UNC80: variants seen among roughly 807,000 people sequenced by gnomAD.
UNC80 encodes protein unc-80 homolog.
In UNC80, 164 loss-of-function variants were observed where a neutral mutation model predicts 384.6. That is an observed-to-expected ratio of 0.43 (90% CI 0.38 to 0.49). The LOEUF (loss-of-function observed/expected upper bound fraction) is 0.49, where lower values mean the gene tolerates loss of function less well. Ranked by LOEUF, UNC80 falls within the 20% of genes least tolerant of loss-of-function variation. The pLI, the probability that UNC80 is intolerant of heterozygous loss-of-function variation, is 0.00. For missense variants in UNC80, 3,330 were observed against 4,143.0 expected, an observed-to-expected ratio of 0.80 and a Z score of 5.39; for synonymous variants, 1,486 against 1,527.8, an observed-to-expected ratio of 0.97 and a Z score of 0.64.
chr2:209,818,542 T>C (rs1418326733), intron 11 of UNC80, among the ~76,000 whole-genome samples: 2 of 152,228 alleles, frequency 1.3e-5, no homozygotes, highest in Non-Finnish European at 2.9e-5. Flanking sequence ...CAATGATATC[T>C]GTTAGTTACC....
intron 7 of UNC80, among the ~76,000 whole-genome samples, chr2:209,803,895 C>T (rs1364179896): frequency 6.6e-6 from 1 of 152,060 alleles, no homozygotes; most frequent in African/African-American, 2.4e-5. Flanking sequence ...TCAAGTCCCA[C>T]TATTTTTAAA....
At chr2:209,990,722 G>A (rs2093376210) in intron 61 of UNC80, among the ~76,000 whole-genome samples, 1 of 152,134 alleles carries the variant, frequency 6.6e-6, no homozygotes, top group African/African-American at 2.4e-5. Context: ...GTAATTTTCT[G>A]TCTTCATGGA....
intron 47 of UNC80, among the ~76,000 whole-genome samples, chr2:209,952,429 GC>G (rs1156617198): frequency 6.6e-6 from 1 of 152,144 alleles, no homozygotes; most frequent in African/African-American, 2.4e-5. Context: ...ATTTCACACT[GC>G]TAGGATCAGC....
chr2:209,937,657 A>G (rs1198503163), intron 42 of UNC80, 27 bp downstream of exon 42: 3 of 1,495,720 alleles, frequency 2.0e-6, no homozygotes, highest in Admixed American at 2.0e-5. Flanking sequence ...GTTTTATTCC[A>G]TGGTTTTGTC....
At position 209,819,209 on chromosome 2, in the gene UNC80, A is replaced by T. The variant is rs188667729; in HGVS notation, c.1910A>T (p.His637Leu). 1.9e-6 allele frequency: 3 copies of T among 1,551,794 alleles called. No individual in the cohort carries two copies. Among genetic ancestry groups the T allele is most frequent in the Middle Eastern group, 1.7e-4 (1 of 6,018 alleles). ...TACAGCTACCTAGAGGACACAGAAC[A>T]TATTGACGGGACCAATAACTTTGTC... Reference protein sequence around the residue: ...INYSYLEDTEHIDGTNNFVHK... With the variant: ...INYSYLEDTELIDGTNNFVHK... Residue 637 changes from histidine (H) to leucine (L), a missense_variant, in exon 12 of 65, where the codon CAT (histidine) becomes CTT (leucine). Physicochemically the swap from His to Leu is moderately conservative, Grantham distance 99. This residue lies in a region of UNC80 where 937 missense variants were observed against 1,026.8 expected (regional missense o/e 0.91). Transcript: ENST00000673920.
intron 21 of UNC80, among the ~76,000 whole-genome samples, 187 bp from the exon 22 acceptor site, chr2:209,849,264 G>A (rs2082360379): frequency 6.6e-6 from 1 of 152,104 alleles, no homozygotes; most frequent in Non-Finnish European, 1.5e-5. Flanking sequence ...TGTGTCACCA[G>A]ATTCCCAAAA....
Position 209,967,571 on chromosome 2 carries a change from C to G in UNC80, c.7940C>G (p.Ala2647Gly). 1 of 1,551,538 alleles carries G rather than the reference C, an allele frequency of 6.4e-7. No individual in the cohort carries two copies. The highest frequency in any genetic ancestry group is 8.7e-7 in the Non-Finnish European group (1 of 1,146,970). Residue 2647 changes from alanine to glycine, a missense_variant, in exon 52 of 65, where the codon GCC (alanine) becomes GGC (glycine). This residue lies in a region of UNC80 where 1,049 missense variants were observed against 1,488.6 expected (regional missense o/e 0.70). Coordinates refer to ENST00000673920, the MANE Select transcript of UNC80 (RefSeq NM_001371986.1). ...TGGACAGCTGAGGCAGTGAGGCCGGCCCTCATCCTCATTTTAAAAAGATTG... is the reference window on the plus strand; with the variant it reads ...TGGACAGCTGAGGCAGTGAGGCCGGGCCTCATCCTCATTTTAAAAAGATTG... ...TDWTAEAVRP[A>G]LILILKRLDR...
At chr2:209,807,538 T>A (rs2078983429) in intron 7 of UNC80, among the ~76,000 whole-genome samples, 1 of 152,066 alleles carries the variant, frequency 6.6e-6, no homozygotes, top group Admixed American at 6.5e-5. Flanking sequence ...CTATTTTTTG[T>A]ATTTTTAGTA....
intron 51 of UNC80, among the ~76,000 whole-genome samples, chr2:209,964,152 AT>A (rs2092677828): frequency 6.6e-6 from 1 of 152,312 alleles, no homozygotes; most frequent in African/African-American, 2.4e-5. Flanking sequence ...AGTAATCACA[AT>A]TTCTCTTTAT....
intron 47 of UNC80, 147 bp from the exon 48 acceptor site, chr2:209,953,953 C>A: frequency 3.6e-6 from 3 of 837,480 alleles, no homozygotes; most frequent in South Asian, 2.5e-5. Context: ...TTTCCAGCAG[C>A]TTTAACTGCT....
At chr2:209,863,303 T>A (rs1277288245) in intron 22 of UNC80, among the ~76,000 whole-genome samples, 8 of 152,120 alleles carry the variant, frequency 5.3e-5, no homozygotes. Flanking sequence ...ATCTGATGAT[T>A]ATGTGTCTTG....
chr2:209,967,763 A>G lies in UNC80; in HGVS notation c.8006+126A>G, dbSNP rs567654325. On this transcript the variant is annotated intron_variant, in intron 52 of 64. Coordinates refer to ENST00000673920, the MANE Select transcript of UNC80 (RefSeq NM_001371986.1). Reference sequence around the variant, plus strand: ...TGAAAGTTTTCTTTGGTATATGTGCATAGTTAATAGGGTCTATGAATGCCT... The same window carrying G: ...TGAAAGTTTTCTTTGGTATATGTGCGTAGTTAATAGGGTCTATGAATGCCT... 65 of 846,666 alleles carry G rather than the reference A, an allele frequency of 7.7e-5. 1 individual carries two copies. In the South Asian group the frequency reaches 9.8e-4, roughly 13 times the overall value. 52.4% of individuals were successfully genotyped at this position (846,666 alleles called of 1,614,324 possible). A position where few individuals can be genotyped will look rare whatever the true frequency, so the allele number is the denominator to read the frequency against.
chr2:209,819,055 G>T lies in UNC80; in HGVS notation c.1756G>T (p.Val586Leu). 6.4e-7 allele frequency: 1 copy of T among 1,551,796 alleles called. No individual in the cohort carries two copies. Among genetic ancestry groups the T allele is most frequent in the Non-Finnish European group, 8.7e-7 (1 of 1,147,026 alleles). Residue 586 changes from valine (V) to leucine (L), a missense_variant, in exon 12 of 65, where the codon GTA (valine) becomes TTA (leucine). Physicochemically the swap from Val to Leu is conservative, Grantham distance 32 (BLOSUM62 1). Transcript: ENST00000673920. ...CAATACCACTTTGGCGTCATTCAAC[G>T]TAGGCTATGCAGACTTTTTCAATGA... ...TFNTTLASFN[V>L]GYADFFNEHM...
At chr2:209,808,757 C>T (rs1172176178) in intron 7 of UNC80, 15 of 42,408 alleles carry the variant, frequency 3.5e-4, no homozygotes, top group Middle Eastern at 3.2e-3. Flanking sequence ...GAGTGGGTCG[C>T]CTGCGCTACT....
intron 32 of UNC80, 35 bp downstream of exon 32, chr2:209,917,993 C>G: frequency 6.5e-7 from 1 of 1,542,580 alleles, no homozygotes; most frequent in Admixed American, 2.0e-5. Context: ...GTTACATTAG[C>G]AAACCCAACC....
At chr2:209,931,364 AACACACACAC>A (rs61386739) in intron 38 of UNC80, among the ~76,000 whole-genome samples, 3,503 of 125,540 alleles carry the variant, frequency 0.028, 121 homozygotes, top group African/African-American at 0.085. Flanking sequence ...TCTATGTTTA[AACACACACAC>A]ACACACACAC....
intron 53 of UNC80, among the ~76,000 whole-genome samples, chr2:209,970,500 T>C (rs1340421942): frequency 6.6e-6 from 1 of 152,160 alleles, no homozygotes; most frequent in Non-Finnish European, 1.5e-5. Flanking sequence ...GTTGTCAGTA[T>C]TTGCTCCATC....
At chr2:209,950,336 A>T (rs191627553) in intron 47 of UNC80, among the ~76,000 whole-genome samples, 214 of 150,548 alleles carry the variant, frequency 1.4e-3, no homozygotes, top group African/African-American at 4.7e-3. Context: ...TGCTTTTTTT[A>T]AAAAAAAAAT....
Position 209,978,623 on chromosome 2 carries a change from G to C in UNC80, c.9033G>C (p.Thr3011=). 6.4e-7 allele frequency: 1 copy of C among 1,551,494 alleles called. No individual in the cohort carries two copies. The highest frequency in any genetic ancestry group is 1.2e-5 in the South Asian group (1 of 84,026). The part of the protein sequence containing the change: ...LATMSRSNTG[T]GTVWEQDSEP... ...CCATGTCCCGCTCTAACACGGGCAC[G>C]GGCACTGTCTGGGAGCAGGACAGTG... The change falls in exon 59 of 65, where the codon ACG becomes ACC. Residue 3011 remains threonine, a synonymous_variant. Transcript: ENST00000673920.
Sources: gnomAD v4.1 joint callset for allele counts (sites outside exome capture counted in the v4.1 genomes callset) on GRCh38, gnomAD v4.1.1 for gene constraint, gnomAD v4.1.1 regional missense constraint, MANE v1.5 for transcripts, NCBI Gene and HGNC (gene_info 2026-07-23, HGNC 2026-07-21) for gene names.